ZNF236: variants seen among roughly 807,000 people sequenced by gnomAD.
ZNF236 encodes the protein regulated by glucose.
ZNF236 carries 50 observed loss-of-function variants against 191.2 expected under a neutral mutation model. The ratio of observed to expected loss-of-function variants is 0.26; its 90% CI spans 0.21 to 0.33. The LOEUF (loss-of-function observed/expected upper bound fraction) is 0.33, where lower values mean the gene tolerates loss of function less well. ZNF236 is among the 10% of genes least tolerant of loss of function. ZNF236 has a pLI of 1.00. For missense variants in ZNF236, 1,754 were observed against 2,374.5 expected (o/e 0.74, Z 5.43); for synonymous variants, 907 against 928.8 (o/e 0.98, Z 0.43).
intron 1 of ZNF236, among the ~76,000 whole-genome samples, chr18:76,823,164 T>G (rs951159238): frequency 1.3e-5 from 2 of 151,820 alleles, no homozygotes; most frequent in Admixed American, 1.3e-4. Context: ...CCGGGGACGT[T>G]GGGCTCGGCC....
Position 76,968,446 on chromosome 18 carries a change from A to G in ZNF236, c.*107A>G, listed in dbSNP as rs1418022003. 7.3e-6 allele frequency: 11 copies of G among 1,502,838 alleles called. No homozygotes were observed. In the East Asian group the frequency reaches 1.8e-4, roughly 24 times the overall value. 93.1% of individuals were successfully genotyped at this position (1,502,838 alleles called of 1,614,324 possible). On this transcript the variant is annotated 3_prime_UTR_variant, in exon 31 of 31. Coordinates refer to ENST00000320610, the MANE Select transcript of ZNF236 (RefSeq NM_001306089.2). ...AGCTTCAAGTGTTAAAAATGCTACAATAGTTTTTTATCTATAAAATTATCT... is the reference window on the plus strand; with the variant it reads ...AGCTTCAAGTGTTAAAAATGCTACAGTAGTTTTTTATCTATAAAATTATCT...
intron 3 of ZNF236, among the ~76,000 whole-genome samples, chr18:76,854,115 G>A (rs999027781): frequency 2.0e-5 from 3 of 152,024 alleles, no homozygotes; most frequent in Non-Finnish European, 2.9e-5. Context: ...ATGCAAAACA[G>A]GTTGATTTAG....
chr18:76,875,319 T>C lies in ZNF236; in HGVS notation c.668-173T>C, dbSNP rs1328906292. On this transcript the variant is annotated intron_variant, in intron 5 of 30. Coordinates refer to ENST00000320610, the MANE Select transcript of ZNF236 (RefSeq NM_001306089.2). The surrounding 1 kb of genome is among the most constrained non-coding windows in gnomAD (Gnocchi z 4.3). The stretch of plus-strand genomic sequence containing the variant: ...TTTGCGAGATGGTCAAGTGCAGTTT[T>C]GACATGTTAATTTTGAGATTTAAAG... Among the ~76,000 whole-genome samples the C allele has an allele frequency of 6.6e-6, 1 of 152,170 alleles. No individual in the cohort carries two copies. The highest frequency in any genetic ancestry group is 1.5e-5 in the Non-Finnish European group (1 of 68,028).
At chr18:76,892,132 C>CT (rs372766199) in intron 9 of ZNF236, among the ~76,000 whole-genome samples, 21,243 of 58,372 alleles carry the variant, frequency 0.36, 2,101 homozygotes, top group Non-Finnish European at 0.42. Context: ...ATTAATTTAT[C>CT]TTTTTTTTTT....
intron 26 of ZNF236, among the ~76,000 whole-genome samples, chr18:76,940,845 C>A (rs779535181): frequency 2.0e-5 from 3 of 152,188 alleles, no homozygotes; most frequent in African/African-American, 7.2e-5. Context: ...GCATCCAGGC[C>A]GCACAGCAGG....
At chr18:76,825,722 A>G (rs1392252203) in intron 1 of ZNF236, among the ~76,000 whole-genome samples, 1 of 152,248 alleles carries the variant, frequency 6.6e-6, no homozygotes, top group East Asian at 1.9e-4. Flanking sequence ...CTAATAGGAC[A>G]AACATCAATA....
chr18:76,878,106 G>T lies in ZNF236; in HGVS notation c.938G>T (p.Gly313Val), dbSNP rs768695258. Residue 313 changes from glycine (G) to valine (V), a missense_variant, in exon 7 of 31, where the codon GGG (glycine) becomes GTG (valine). Transcript: ENST00000320610. ...CATATCAGCAAGATGCATATGGGTG[G>T]GCCACAGAATTCAACAAGTTCTACA... ...NTHISKMHMG[G>V]PQNSTSSTET... 6.2e-7 allele frequency: 1 copy of T among 1,612,972 alleles called. No individual in the cohort carries two copies. The highest frequency in any genetic ancestry group is 1.3e-5 in the African/African-American group (1 of 74,860).
At chr18:76,933,667 A>G (rs1446942903) in intron 25 of ZNF236, among the ~76,000 whole-genome samples, 2 of 152,218 alleles carry the variant, frequency 1.3e-5, no homozygotes, top group Admixed American at 1.3e-4. Flanking sequence ...GGCTATTCTT[A>G]AATACAGGCT....
chr18:76,944,783 A>G (rs2122907383), intron 26 of ZNF236, among the ~76,000 whole-genome samples: 1 of 152,274 alleles, frequency 6.6e-6, no homozygotes, highest in African/African-American at 2.4e-5. Context: ...CTCTGTCTCA[A>G]AAAAAAAGAA....
At position 76,873,972 on chromosome 18, in the gene ZNF236, C is replaced by T. The variant is rs192464549; in HGVS notation, c.668-1520C>T. On this transcript the variant is annotated intron_variant, in intron 5 of 30. Coordinates refer to ENST00000320610, the MANE Select transcript of ZNF236 (RefSeq NM_001306089.2). ...CTGCCCGCCTGTCCTCCTCTCCTGT[C>T]GCCACACAGGCAGTGCTGTGACTGG... 6.2e-5 allele frequency among the ~76,000 whole-genome samples: 9 copies of T among 146,092 alleles called. No homozygotes were observed. In the East Asian group the frequency reaches 1.0e-3, roughly 17 times the overall value.
At chr18:76,860,407 C>T (rs1272126823) in intron 3 of ZNF236, among the ~76,000 whole-genome samples, 5 of 152,234 alleles carry the variant, frequency 3.3e-5, no homozygotes, top group African/African-American at 1.2e-4. Context: ...TCCTCCATCA[C>T]TGGAAAGAGA....
intron 10 of ZNF236, chr18:76,898,230 T>G (rs1448492456): frequency 6.6e-6 from 1 of 152,224 alleles, no homozygotes; most frequent in Non-Finnish European, 1.5e-5. Flanking sequence ...TATTGAGATG[T>G]AATTTACATA....
intron 9 of ZNF236, among the ~76,000 whole-genome samples, chr18:76,891,028 G>T (rs940573226): frequency 6.6e-6 from 1 of 152,102 alleles, no homozygotes; most frequent in African/African-American, 2.4e-5. Context: ...TAAGATTATA[G>T]TGTATAATAC....
At chr18:76,864,196 CTTTT>C (rs1202084465) in intron 3 of ZNF236, among the ~76,000 whole-genome samples, 2 of 132,174 alleles carry the variant, frequency 1.5e-5, no homozygotes, top group African/African-American at 2.8e-5. Flanking sequence ...CAACAAATAT[CTTTT>C]TTTTTTTTTT....
intron 7 of ZNF236, among the ~76,000 whole-genome samples, chr18:76,879,845 T>A (rs1976827205): frequency 6.6e-6 from 1 of 152,192 alleles, no homozygotes; most frequent in African/African-American, 2.4e-5. Flanking sequence ...AGGTGAGGGT[T>A]CACGTGCTCA....
rs71172383 is a variant in ZNF236 at position 76,843,803 on chromosome 18, A to AAAAAAAAAAAAAAAAAAAAAAAAAAAAAG, written c.56-5721_56-5720insAAAAAAAAAAAAAAAAAAAAAAAAAAGAA. 8.5e-4 allele frequency among the ~76,000 whole-genome samples: 53 copies of AAAAAAAAAAAAAAAAAAAAAAAAAAAAAG among 62,088 alleles called. 20 individuals carry two copies. Among genetic ancestry groups the AAAAAAAAAAAAAAAAAAAAAAAAAAAAAG allele is most frequent in the South Asian group, 1.3e-3 (2 of 1,544 alleles). The allele number at this position is 62,088 out of a possible 152,430, so 40.7% of individuals were successfully genotyped here. A position where few individuals can be genotyped will look rare whatever the true frequency, so the allele number is the denominator to read the frequency against. Reference sequence around the variant, plus strand: ...AAAAAAAAAAAAAAAAAAAAAAAAAAAAGTAAAGAAGAGACCGGGCGCAGT... The same window carrying AAAAAAAAAAAAAAAAAAAAAAAAAAAAAG: ...AAAAAAAAAAAAAAAAAAAAAAAAAAAAAAAAAAAAAAAAAAAAAAAAAAAAAAGAAGTAAAGAAGAGACCGGGCGCAGT... On this transcript the variant is annotated intron_variant, in intron 1 of 30. Transcript: ENST00000320610.
At chr18:76,928,706 T>C (rs952284608) in intron 25 of ZNF236, among the ~76,000 whole-genome samples, 1 of 152,164 alleles carries the variant, frequency 6.6e-6, no homozygotes, top group African/African-American at 2.4e-5. Context: ...CTTGTGTGCC[T>C]TCCTTGGTCC....
At position 76,956,046 on chromosome 18, in the gene ZNF236, A is replaced by G. The variant is rs1426913472; in HGVS notation, c.4976A>G (p.His1659Arg). ...CAGCCAGAGAAGGAGGGCCGGGCGC[A>G]CCAGTGCCTGGAGTGTGACCGCGCC... ...GNQPEKEGRA[H>R]QCLECDRAFS... The change falls in exon 28 of 31, where the codon CAC becomes CGC. Residue 1659 changes from histidine to arginine, a missense_variant. By Grantham distance (29) the His-to-Arg change is conservative (BLOSUM62 0). Transcript: ENST00000320610. 6.2e-7 allele frequency: 1 copy of G among 1,609,676 alleles called. No individual in the cohort carries two copies. Among genetic ancestry groups the G allele is most frequent in the African/African-American group, 1.3e-5 (1 of 74,886 alleles).
intron 3 of ZNF236, among the ~76,000 whole-genome samples, 185 bp from the exon 4 acceptor site, chr18:76,868,499 TA>T (rs1744018123): frequency 6.6e-6 from 1 of 152,256 alleles, no homozygotes; most frequent in Non-Finnish European, 1.5e-5. Flanking sequence ...GATTTTTGTA[TA>T]TTCAAATACA....
Sources: allele counts gnomAD v4.1 joint callset (sites outside exome capture counted in the v4.1 genomes callset), GRCh38; gene constraint gnomAD v4.1.1; non-coding constraint Gnocchi (gnomAD v3.1); transcripts MANE v1.5; gene names NCBI Gene and HGNC (gene_info 2026-07-23, HGNC 2026-07-21).